The following DNAAF8 variants were observed in gnomAD, a reference collection of about 807,000 sequenced individuals.
DNAAF8 encodes the protein dynein axonemal-associated protein 1.
DNAAF8 carries 61 observed loss-of-function variants against 54.6 expected under a neutral mutation model. That is an observed-to-expected ratio of 1.12 (90% confidence interval 0.91 to 1.38). DNAAF8 has a LOEUF of 1.38. DNAAF8 is among the 40% of genes most tolerant of loss of function. The pLI is 0.00. For synonymous variants in DNAAF8, 320 were observed against 270.1 expected (o/e 1.18, Z -1.81); for missense variants, 837 against 665.0 (o/e 1.26, Z -2.85).
intron 3 of DNAAF8, among the ~76,000 whole-genome samples, chr16:4,738,666 TGAA>T (rs2081922875): frequency 1.3e-5 from 2 of 152,246 alleles, no homozygotes; most frequent in South Asian, 4.1e-4. Context: ...GTGGATCACT[TGAA>T]GTCAGGAGTT....
In DNAAF8 at chr16:4,736,472, G is replaced by A. The variant is rs183819921; in HGVS notation, c.-43G>A. On this transcript the variant is annotated 5_prime_UTR_variant, in exon 2 of 10. Coordinates refer to ENST00000299320, the MANE Select transcript of DNAAF8 (RefSeq NM_139170.3). ...CCCTGTGTACCCCACAGAGCTCCCC[G>A]GATTATGGTGCACTGAGAAGGCATC... The A allele has an allele frequency of 3.4e-5, 50 of 1,473,250 alleles. No individual in the cohort carries two copies. The highest frequency in any genetic ancestry group is 1.0e-4 in the South Asian group (7 of 69,952). 91.3% of individuals were successfully genotyped at this position (1,473,250 alleles called of 1,614,324 possible). A position where few individuals can be genotyped will look rare whatever the true frequency, so the allele number is the denominator to read the frequency against.
chr16:4,740,385 C>T lies in DNAAF8; in HGVS notation c.509C>T (p.Ala170Val). 3 of 1,613,842 alleles carry T rather than the reference C, an allele frequency of 1.9e-6. No homozygotes were observed. Among genetic ancestry groups the T allele is most frequent in the Non-Finnish European group, 2.5e-6 (3 of 1,179,994 alleles). The change falls in exon 4 of 10, where the codon GCC becomes GTC. Residue 170 changes from alanine to valine, a missense_variant. Physicochemically the swap from Ala to Val is moderately conservative, Grantham distance 64. Coordinates refer to ENST00000299320, the MANE Select transcript of DNAAF8 (RefSeq NM_139170.3). ...GSQGPPWDPQ[A>V]EATLSCHEGD... ...CAGGGTCCTCCCTGGGACCCACAGG[C>T]CGAAGCCACTCTCTCCTGCCATGAA...
chr16:4,734,702 A>T lies in DNAAF8; in HGVS notation c.-52+4A>T. On this transcript the variant is annotated splice_donor_region_variant and intron_variant, in intron 1 of 9. Coordinates refer to ENST00000299320, the MANE Select transcript of DNAAF8 (RefSeq NM_139170.3). ...GGAGTGGAGGCAGAGGCCTGAGGTGAGGGGCCTCGGGCCTGCTGCGCCTGC... is the reference window on the plus strand; with the variant it reads ...GGAGTGGAGGCAGAGGCCTGAGGTGTGGGGCCTCGGGCCTGCTGCGCCTGC... The T allele has an allele frequency of 6.6e-6, 1 of 151,990 alleles. No individual in the cohort carries two copies. Among genetic ancestry groups the T allele is most frequent in the Non-Finnish European group, 1.5e-5 (1 of 68,026 alleles). The allele number at this position is 151,990 out of a possible 1,614,324, so 9.4% of individuals were successfully genotyped here. A position where few individuals can be genotyped will look rare whatever the true frequency, so the allele number is the denominator to read the frequency against.
intron 6 of DNAAF8, 61 bp downstream of exon 6, chr16:4,745,072 G>C (rs974183796): frequency 1.3e-6 from 2 of 1,567,978 alleles, no homozygotes; most frequent in Non-Finnish European, 1.7e-6. Context: ...TGGTTTTGTA[G>C]CACTGACTGG....
chr16:4,746,556 G>A (rs774575797), intron 7 of DNAAF8, 44 bp downstream of exon 7: 1 of 1,587,798 alleles, frequency 6.3e-7, no homozygotes, highest in South Asian at 1.1e-5. Context: ...CTACTTTGCA[G>A]AGTTGCCTGT....
rs200070828 is a variant in DNAAF8 at position 4,747,409 on chromosome 16, C to T, written c.1347C>T (p.Pro449=). ...LRAFQKGTAQ[P]ELPASKGPAG... Reference sequence around the variant, plus strand: ...CCTTTCAGAAGGGGACAGCCCAGCCCGAGCTGCCTGCCAGCAAGGGGCCCG... The same window carrying T: ...CCTTTCAGAAGGGGACAGCCCAGCCTGAGCTGCCTGCCAGCAAGGGGCCCG... Residue 449 remains proline (P), a synonymous_variant, in exon 9 of 10, where the codon CCC becomes CCT. Coordinates refer to ENST00000299320, the MANE Select transcript of DNAAF8 (RefSeq NM_139170.3). 8.1e-6 allele frequency: 13 copies of T among 1,612,720 alleles called. No homozygotes were observed. Among genetic ancestry groups the T allele is most frequent in the East Asian group, 6.7e-5 (3 of 44,886 alleles).
rs2142200755 is a variant in DNAAF8, at chr16:4,737,784, T to C, written c.130-16T>C. 1.9e-6 allele frequency: 3 copies of C among 1,613,772 alleles called. No individual in the cohort carries two copies. The East Asian group carries it at 6.7e-5, about 36-fold the overall frequency. ...CTGCTGCCTTGTCCTCCAAAAGCCC[T>C]CTCATTTGTCCACAGTCGGACTATG... On this transcript the variant is annotated splice_polypyrimidine_tract_variant and intron_variant, in intron 2 of 9. Transcript: ENST00000299320.
Position 4,744,980 on chromosome 16 carries a change from C to G in DNAAF8, c.1012C>G (p.Gln338Glu). The change falls in exon 6 of 10, where the codon CAG becomes GAG. Residue 338 changes from glutamine (Q) to glutamate (E), a missense_variant. Gln to Glu is a conservative substitution (Grantham distance 29). Transcript: ENST00000299320. The part of the protein sequence containing the change: ...CARKVPADTP[Q>E]DTKEADSGSR... ...CCGGAAGGTGCCTGCCGACACTCCC[C>G]AGGACACCAAAGAGGCAGATTCAGG... 1.2e-6 allele frequency: 2 copies of G among 1,613,918 alleles called. No individual in the cohort carries two copies. Among genetic ancestry groups the G allele is most frequent in the Non-Finnish European group, 1.7e-6 (2 of 1,179,870 alleles).
chr16:4,739,417 TATC>T (rs2081935705), intron 3 of DNAAF8, among the ~76,000 whole-genome samples: 3 of 151,966 alleles, frequency 2.0e-5, no homozygotes, highest in Admixed American at 1.3e-4. Flanking sequence ...GCCCCAACAT[TATC>T]ATGATTGATA....
chr16:4,743,498 C>A (rs1051997614), intron 5 of DNAAF8: 19 of 144,430 alleles, frequency 1.3e-4, no homozygotes, highest in Non-Finnish European at 7.0e-5. Context: ...GGGAAGGAAG[C>A]CCCACCTTCT....
rs746769628 is a variant in DNAAF8 at position 4,737,966 on chromosome 16, G to A, written c.276+20G>A. Reference sequence around the variant, plus strand: ...CCCGAGGTCTGTGGGACACAGAAGAGTATACGCCTGTGTGTGTGCGATGTT... The same window carrying A: ...CCCGAGGTCTGTGGGACACAGAAGAATATACGCCTGTGTGTGTGCGATGTT... On this transcript the variant is annotated intron_variant, in intron 3 of 9. Transcript: ENST00000299320. 4.3e-6 allele frequency: 7 copies of A among 1,610,746 alleles called. No homozygotes were observed. In the South Asian group the frequency reaches 7.7e-5, roughly 18 times the overall value.
chr16:4,738,134 GC>G, intron 3 of DNAAF8, 188 bp downstream of exon 3: 1 of 720,778 alleles, frequency 1.4e-6, no homozygotes, highest in East Asian at 2.8e-5. Flanking sequence ...CTCCTGGGGA[GC>G]CCGGCACCTT....
chr16:4,740,433 T>C lies in DNAAF8; in HGVS notation c.557T>C (p.Leu186Pro). The C allele has an allele frequency of 6.2e-7, 1 of 1,613,810 alleles. No individual in the cohort carries two copies. Among genetic ancestry groups the C allele is most frequent in the South Asian group, 1.1e-5 (1 of 91,078 alleles). The change falls in exon 4 of 10, where the codon CTC becomes CCC. Residue 186 changes from leucine (L) to proline (P), a missense_variant. Coordinates refer to ENST00000299320, the MANE Select transcript of DNAAF8 (RefSeq NM_139170.3). ...GAAGGAGACCCAAAGGCAGAGCCCCTCAGCACTGCCTCACAAGAATCTGTG... is the reference window on the plus strand; with the variant it reads ...GAAGGAGACCCAAAGGCAGAGCCCCCCAGCACTGCCTCACAAGAATCTGTG... ...CHEGDPKAEP[L>P]STASQESVNR...
rs2082055795 is a variant in DNAAF8 at position 4,749,266 on chromosome 16, C to T, written c.*551C>T. The T allele has an allele frequency of 6.5e-6, 1 of 154,480 alleles. No homozygotes were observed. 9.6% of individuals were successfully genotyped at this position (154,480 alleles called of 1,614,324 possible). On this transcript the variant is annotated 3_prime_UTR_variant, in exon 10 of 10. Transcript: ENST00000299320. ...GCCTGGCGGCCTCCGCTGTGGCTGC[C>T]TAGCTGTCAAGAGCAAAGGCTTTTT... is the stretch of plus-strand genomic sequence containing the variant.
Position 4,746,136 on chromosome 16 carries a change from TAC to T in DNAAF8, c.1044-236_1044-235del, listed in dbSNP as rs2082014593. On this transcript the variant is annotated intron_variant, in intron 6 of 9. Transcript: ENST00000299320. Reference sequence around the variant, plus strand: ...AACTTAGCCACTTGTGCCAAGTGGCTACACTTACCACAGATAGAGAGCATGTC... The same window carrying T: ...AACTTAGCCACTTGTGCCAAGTGGCTACTTACCACAGATAGAGAGCATGTC... 3 of 452,718 alleles carry T rather than the reference TAC, an allele frequency of 6.6e-6. No individual in the cohort carries two copies. The South Asian group carries it at 1.2e-4, about 18-fold the overall frequency. The allele number at this position is 452,718 out of a possible 1,614,324, so 28.0% of individuals were successfully genotyped here.
At chr16:4,745,952 C>CAAAAAA (rs58259917) in intron 6 of DNAAF8, among the ~76,000 whole-genome samples, 6 of 113,450 alleles carry the variant, frequency 5.3e-5, no homozygotes, top group Admixed American at 2.9e-4. Flanking sequence ...GACTCTGTCT[C>CAAAAAA]AAAAAAAAAA....
chr16:4,747,108 G>A (rs12926158), intron 8 of DNAAF8, 83 bp downstream of exon 8: 179,510 of 1,356,456 alleles, frequency 0.13, 13,130 homozygotes, highest in East Asian at 0.27. Context: ...CACATTTACC[G>A]CCTGTGGTGA....
chr16:4,741,773 ACTC>A (rs2081963706), intron 4 of DNAAF8, among the ~76,000 whole-genome samples: 1 of 152,026 alleles, frequency 6.6e-6, no homozygotes, highest in Non-Finnish European at 1.5e-5. Flanking sequence ...ACAGAGCGAG[ACTC>A]CATCTCAAAA....
chr16:4,745,889 G>A (rs749993765), intron 6 of DNAAF8, among the ~76,000 whole-genome samples: 2 of 151,390 alleles, frequency 1.3e-5, no homozygotes, highest in Admixed American at 6.6e-5. Flanking sequence ...AGGAGGCGGA[G>A]GTTGCAGTGA....
Sources: allele counts gnomAD v4.1 joint callset (sites outside exome capture counted in the v4.1 genomes callset), GRCh38; gene constraint gnomAD v4.1.1; transcripts MANE v1.5; gene names NCBI Gene and HGNC (gene_info 2026-07-23, HGNC 2026-07-21).